Variants in NELL2 observed in about 807,000 individuals in gnomAD.
The protein encoded by NELL2 is protein kinase C-binding protein NELL2.
Under a neutral mutation model 109.6 loss-of-function variants are expected in NELL2, and 41 were observed. The ratio of observed to expected loss-of-function variants is 0.37; its 90% CI spans 0.29 to 0.49. NELL2 has a LOEUF of 0.49. Among genes scored for constraint, NELL2 ranks in the 20% least tolerant of loss-of-function variants. The probability of loss-of-function intolerance (pLI) is 0.98; values close to 1 mark genes in which losing one functional copy is unlikely to be tolerated. For synonymous variants in NELL2, 355 were observed against 344.7 expected (o/e 1.03, Z -0.33); for missense variants, 900 against 1,008.3 (o/e 0.89, Z 1.45).
At chr12:44,871,080 T>G (rs916193998) in intron 2 of NELL2, among the ~76,000 whole-genome samples, 3 of 152,084 alleles carry the variant, frequency 2.0e-5, no homozygotes, top group Non-Finnish European at 4.4e-5. Flanking sequence ...AAATGCACAT[T>G]CATCCCATGC....
intron 12 of NELL2, among the ~76,000 whole-genome samples, chr12:44,686,111 G>C (rs190557305): frequency 6.6e-6 from 1 of 151,986 alleles, no homozygotes; most frequent in Non-Finnish European, 1.5e-5. Flanking sequence ...GGCTTTGCTC[G>C]TTTCTTTTTA....
At chr12:44,644,532 T>C (rs1946983668) in intron 13 of NELL2, among the ~76,000 whole-genome samples, 1 of 146,808 alleles carries the variant, frequency 6.8e-6, no homozygotes, top group Non-Finnish European at 1.5e-5. Flanking sequence ...GTCAATCTTC[T>C]GAAGGACCTA....
intron 2 of NELL2, among the ~76,000 whole-genome samples, chr12:44,862,732 A>G (rs913856976): frequency 2.6e-5 from 4 of 152,328 alleles, no homozygotes; most frequent in African/African-American, 7.2e-5. Context: ...TAAAAAACAC[A>G]GTGCACAAAA....
intron 15 of NELL2, among the ~76,000 whole-genome samples, chr12:44,575,438 C>A (rs951902028): frequency 6.6e-6 from 1 of 152,214 alleles, no homozygotes; most frequent in Admixed American, 6.5e-5. Context: ...TGTATCTTTG[C>A]TGCAAAGCAC....
chr12:44,568,383 T>C (rs1303515861), intron 15 of NELL2, among the ~76,000 whole-genome samples: 1 of 152,162 alleles, frequency 6.6e-6, no homozygotes, highest in Non-Finnish European at 1.5e-5. Context: ...CATATTGAGA[T>C]ACATTCAGAC....
Position 44,714,671 on chromosome 12 carries a change from T to C in NELL2, c.1065A>G (p.Val355=). Reference sequence around the variant, plus strand: ...TTACCTTGCACTCATAGAGAACACATACTCCAGAAGAGGAATAGACTGTAT... The same window carrying C: ...TTACCTTGCACTCATAGAGAACACACACTCCAGAAGAGGAATAGACTGTAT... ...ERNTVYSSSG[V]CVLYECKDQT... The change falls in exon 10 of 20, where the codon GTA becomes GTG. Residue 355 remains valine (V), a synonymous_variant. Transcript: ENST00000429094. 1.3e-6 allele frequency: 2 copies of C among 1,597,266 alleles called. No homozygotes were observed. The highest frequency in any genetic ancestry group is 1.7e-6 in the Non-Finnish European group (2 of 1,173,704).
chr12:44,675,198 T>C (rs1566136267), intron 12 of NELL2, among the ~76,000 whole-genome samples: 1 of 152,132 alleles, frequency 6.6e-6, no homozygotes, highest in Non-Finnish European at 1.5e-5. Context: ...AAAGGAAAAG[T>C]GGGGTGAGAA....
chr12:44,656,482 G>C (rs1200111982), intron 13 of NELL2, among the ~76,000 whole-genome samples: 1 of 152,174 alleles, frequency 6.6e-6, no homozygotes, highest in Non-Finnish European at 1.5e-5. Flanking sequence ...TGAGAAATAA[G>C]ACATTTCCTC....
At chr12:44,883,391 A>G (rs1945437808) in intron 1 of NELL2, among the ~76,000 whole-genome samples, 1 of 151,908 alleles carries the variant, frequency 6.6e-6, no homozygotes, top group Admixed American at 6.6e-5. Context: ...TGGTTCTCTG[A>G]CTACAGTTTA....
chr12:44,703,321 C>T (rs60933400), intron 12 of NELL2, among the ~76,000 whole-genome samples: 9,446 of 152,152 alleles, frequency 0.062, 971 homozygotes, highest in African/African-American at 0.21. Context: ...TAGTAGCAAA[C>T]AGAAATAGCA....
intron 9 of NELL2, among the ~76,000 whole-genome samples, chr12:44,766,644 T>C (rs908078418): frequency 6.6e-6 from 1 of 152,222 alleles, no homozygotes; most frequent in Non-Finnish European, 1.5e-5. Flanking sequence ...CTCCTATGAA[T>C]GATACCTAGA....
At chr12:44,911,128 C>T (rs1240884700) in intron 1 of NELL2, among the ~76,000 whole-genome samples, 1 of 151,788 alleles carries the variant, frequency 6.6e-6, no homozygotes, top group Non-Finnish European at 1.5e-5. Context: ...ACGTGTACTC[C>T]CTGAATCTAG....
intron 3 of NELL2, among the ~76,000 whole-genome samples, chr12:44,786,114 T>C (rs769087147): frequency 2.0e-5 from 3 of 152,110 alleles, no homozygotes; most frequent in Non-Finnish European, 4.4e-5. Context: ...GGAGAAAATT[T>C]TGGCATTCTA....
At chr12:44,681,837 T>A (rs1219545208) in intron 12 of NELL2, among the ~76,000 whole-genome samples, 2 of 151,896 alleles carry the variant, frequency 1.3e-5, no homozygotes, top group Non-Finnish European at 2.9e-5. Context: ...TTTGGGTTGG[T>A]TCCAAGTCTC....
intron 12 of NELL2, among the ~76,000 whole-genome samples, chr12:44,683,756 C>T (rs982517332): frequency 6.6e-6 from 1 of 152,188 alleles, no homozygotes; most frequent in Non-Finnish European, 1.5e-5. Flanking sequence ...AGCCTTGCAT[C>T]CCAGGGATGA....
chr12:44,840,411 CAT>C (rs1336386914), intron 2 of NELL2, among the ~76,000 whole-genome samples: 4 of 152,154 alleles, frequency 2.6e-5, no homozygotes, highest in South Asian at 2.1e-4. Flanking sequence ...GTACAAAATG[CAT>C]ATGTGTTGCT....
chr12:44,642,683 A>G (rs1946906254), intron 13 of NELL2, among the ~76,000 whole-genome samples: 1 of 152,150 alleles, frequency 6.6e-6, no homozygotes, highest in African/African-American at 2.4e-5. Context: ...GGAGTTCAAG[A>G]CCAGCCTGGC....
At chr12:44,775,257 A>G (rs1383680566) in intron 8 of NELL2, among the ~76,000 whole-genome samples, 1 of 151,200 alleles carries the variant, frequency 6.6e-6, no homozygotes, top group South Asian at 2.1e-4. Context: ...GTGCGCACGC[A>G]CACACACACA....
chr12:44,804,415 A>C (rs1942932122), intron 3 of NELL2, among the ~76,000 whole-genome samples: 1 of 151,884 alleles, frequency 6.6e-6, no homozygotes, highest in African/African-American at 2.4e-5. Flanking sequence ...ACAGCAAGAG[A>C]AATAAGATTT....
Sources: allele counts gnomAD v4.1 joint callset (sites outside exome capture counted in the v4.1 genomes callset), GRCh38; gene constraint gnomAD v4.1.1; transcripts MANE v1.5; gene names NCBI Gene and HGNC (gene_info 2026-07-23, HGNC 2026-07-21).